SLFN5: variants seen among roughly 807,000 people sequenced by gnomAD.
The protein encoded by SLFN5 is schlafen family member 5.
In SLFN5, 34 loss-of-function variants were observed where a neutral mutation model predicts 48.5. That is an observed-to-expected ratio of 0.70 (90% confidence interval 0.53 to 0.93). The LOEUF (loss-of-function observed/expected upper bound fraction) is 0.93. Ranked by LOEUF, SLFN5 falls within the 40% of genes least tolerant of loss-of-function variation. The probability of loss-of-function intolerance (pLI) is 0.00; values close to 1 mark genes in which losing one functional copy is unlikely to be tolerated. For synonymous variants in SLFN5, 387 were observed against 396.2 expected (o/e 0.98, Z 0.28); for missense variants, 1,006 against 1,071.3 (o/e 0.94, Z 0.85).
chr17:35,263,161 C>CA (rs1904570581), intron 3 of SLFN5, among the ~76,000 whole-genome samples: 1 of 152,024 alleles, frequency 6.6e-6, no homozygotes, highest in African/African-American at 2.4e-5. Context: ...GACAGGATCT[C>CA]ACTCTGTTGT....
rs909785784 is a variant in SLFN5 at position 35,271,393 on chromosome 17, C to T, written c.*5505C>T. 1 of 152,040 alleles carries T rather than the reference C, an allele frequency of 6.6e-6. No individual in the cohort carries two copies. Among genetic ancestry groups the T allele is most frequent in the Non-Finnish European group, 1.5e-5 (1 of 67,986 alleles). The allele number at this position is 152,040 out of a possible 1,614,324, so 9.4% of individuals were successfully genotyped here. ...AAGGAGAACAAATAAATTAGTGAAACATAAGGTTAAGTCTATACATATTAT... is the reference window on the plus strand; with the variant it reads ...AAGGAGAACAAATAAATTAGTGAAATATAAGGTTAAGTCTATACATATTAT... On this transcript the variant is annotated 3_prime_UTR_variant, in exon 5 of 5. Coordinates refer to ENST00000299977, the MANE Select transcript of SLFN5 (RefSeq NM_144975.4).
Position 35,258,724 on chromosome 17 carries a change from C to A in SLFN5, c.34C>A (p.Pro12Thr), listed in dbSNP as rs1408093620. ...TAGGATTGATGTGGATACAAACTTT[C>A]CTGAGTGTGTTGTAGATGCAGGAAA... ...SLRIDVDTNF[P>T]ECVVDAGKVT... The change falls in exon 2 of 5, where the codon CCT becomes ACT. Residue 12 changes from proline to threonine, a missense_variant. Transcript: ENST00000299977. The A allele has an allele frequency of 6.2e-7, 1 of 1,613,842 alleles. No individual in the cohort carries two copies.
At position 35,265,734 on chromosome 17, in the gene SLFN5, T is replaced by C; in HGVS notation, c.2522T>C (p.Val841Ala). ...TCGGATGTTCTAACCGATCACATTG[T>C]GTTGGACAGTGTCTGTCGATTTTCA... Reference protein sequence around the residue: ...DASDVLTDHIVLDSVCRFSGL... With the variant: ...DASDVLTDHIALDSVCRFSGL... The change falls in exon 5 of 5, where the codon GTG (valine) becomes GCG (alanine). Residue 841 changes from valine (V) to alanine (A), a missense_variant. Val to Ala is a moderately conservative substitution (Grantham distance 64). Transcript: ENST00000299977. 1 of 1,614,204 alleles carries C rather than the reference T, an allele frequency of 6.2e-7. No homozygotes were observed. Among genetic ancestry groups the C allele is most frequent in the African/African-American group, 1.3e-5 (1 of 75,050 alleles).
rs1904863046 is a variant in SLFN5, at chr17:35,272,747, GA to G, written c.*6861del. The G allele has an allele frequency of 6.6e-6, 1 of 152,172 alleles. No individual in the cohort carries two copies. The highest frequency in any genetic ancestry group is 1.5e-5 in the Non-Finnish European group (1 of 68,002). The allele number at this position is 152,172 out of a possible 1,614,324, so 9.4% of individuals were successfully genotyped here. The stretch of plus-strand genomic sequence containing the variant: ...TGACAGGTGGTAGAATACAGAAAAA[GA>G]ATTTAAAATAGCTCCTAAAGATATG... On this transcript the variant is annotated 3_prime_UTR_variant, in exon 5 of 5. Coordinates refer to ENST00000299977, the MANE Select transcript of SLFN5 (RefSeq NM_144975.4).
At chr17:35,251,140 C>A (rs116853733) in intron 1 of SLFN5, among the ~76,000 whole-genome samples, 1 of 152,224 alleles carries the variant, frequency 6.6e-6, no homozygotes, top group Non-Finnish European at 1.5e-5. Flanking sequence ...AGCACCCCAA[C>A]TGTAGAAAGC....
At chr17:35,262,072 G>T (rs140322976) in intron 3 of SLFN5, among the ~76,000 whole-genome samples, 2 of 151,906 alleles carry the variant, frequency 1.3e-5, no homozygotes, top group East Asian at 3.9e-4. Context: ...TACCTGAGGT[G>T]TTCTTTAAGG....
chr17:35,264,195 G>C lies in SLFN5; in HGVS notation c.1151G>C (p.Arg384Thr), dbSNP rs1232973719. ...QKRYFPVFSD[R>T]VVYTPESLYK... ...TTTCCCTGTCTAGTATTTTCAGACA[G>C]AGTGGTATATACTCCAGAAAGCCTC... Residue 384 changes from arginine (R) to threonine (T), a missense_variant, in exon 4 of 5, where the codon AGA (arginine) becomes ACA (threonine). Coordinates refer to ENST00000299977, the MANE Select transcript of SLFN5 (RefSeq NM_144975.4). 3.8e-6 allele frequency: 6 copies of C among 1,596,150 alleles called. No individual in the cohort carries two copies. The South Asian group carries it at 4.5e-5, about 12-fold the overall frequency.
chr17:35,267,469 A>T lies in SLFN5; in HGVS notation c.*1581A>T, dbSNP rs1413335616. ...GACTTTAGGAGGCCAAGGTGGGAGG[A>T]TTGTTTGAGCCCAGGAGTTCAAGAC... is the stretch of plus-strand genomic sequence containing the variant. On this transcript the variant is annotated 3_prime_UTR_variant, in exon 5 of 5. Transcript: ENST00000299977. The T allele has an allele frequency of 6.6e-6, 1 of 152,154 alleles. No homozygotes were observed. Among genetic ancestry groups the T allele is most frequent in the East Asian group, 1.9e-4 (1 of 5,198 alleles). The allele number at this position is 152,154 out of a possible 1,614,324, so 9.4% of individuals were successfully genotyped here.
In SLFN5 at chr17:35,266,195, CAT is replaced by C. The variant is rs1235339112; in HGVS notation, c.*308_*309del. The C allele has an allele frequency of 2.7e-5, 6 of 224,268 alleles. No individual in the cohort carries two copies. The highest frequency in any genetic ancestry group is 4.6e-5 in the African/African-American group (2 of 43,118). The allele number at this position is 224,268 out of a possible 1,614,324, so 13.9% of individuals were successfully genotyped here. A position where few individuals can be genotyped will look rare whatever the true frequency, so the allele number is the denominator to read the frequency against. ...GTGTGTGTGCGCGCGCGCACGTGCA[CAT>C]GTGTGTAGGTAGATGGAGGGGGTGA... On this transcript the variant is annotated 3_prime_UTR_variant, in exon 5 of 5. Coordinates refer to ENST00000299977, the MANE Select transcript of SLFN5 (RefSeq NM_144975.4).
At chr17:35,252,121 G>A (rs1342257374) in intron 1 of SLFN5, among the ~76,000 whole-genome samples, 1 of 152,058 alleles carries the variant, frequency 6.6e-6, no homozygotes, top group Non-Finnish European at 1.5e-5. Flanking sequence ...ATCCACATCC[G>A]TGGGAAAACT....
At chr17:35,258,305 G>A (rs1408982183) in intron 1 of SLFN5, among the ~76,000 whole-genome samples, 3 of 152,076 alleles carry the variant, frequency 2.0e-5, no homozygotes, top group South Asian at 2.1e-4. Flanking sequence ...CACGGTGGAC[G>A]GTGAAAGGCA....
At chr17:35,262,911 C>G (rs1313410964) in intron 3 of SLFN5, among the ~76,000 whole-genome samples, 3 of 152,130 alleles carry the variant, frequency 2.0e-5, no homozygotes, top group African/African-American at 7.2e-5. Flanking sequence ...AAACTCTCCC[C>G]AAATCCCTAA....
At chr17:35,244,401 G>A (rs1004485671) in intron 1 of SLFN5, among the ~76,000 whole-genome samples, 4 of 152,010 alleles carry the variant, frequency 2.6e-5, no homozygotes, top group African/African-American at 9.7e-5. Context: ...TACCAATAGC[G>A]GGTGGGAGGG....
At chr17:35,243,304 G>A (rs927828714) in intron 1 of SLFN5, among the ~76,000 whole-genome samples, 161 bp downstream of exon 1, 2 of 152,232 alleles carry the variant, frequency 1.3e-5, no homozygotes, top group Non-Finnish European at 2.9e-5. Context: ...GGGAGATTTA[G>A]TTTGTTGACT....
In SLFN5 at chr17:35,268,581, G is replaced by A. The variant is rs1227884055; in HGVS notation, c.*2693G>A. 1.3e-5 allele frequency: 2 copies of A among 152,304 alleles called. No individual in the cohort carries two copies. The highest frequency in any genetic ancestry group is 2.1e-4 in the South Asian group (1 of 4,830). The allele number at this position is 152,304 out of a possible 1,614,324, so 9.4% of individuals were successfully genotyped here. On this transcript the variant is annotated 3_prime_UTR_variant, in exon 5 of 5. Coordinates refer to ENST00000299977, the MANE Select transcript of SLFN5 (RefSeq NM_144975.4). Reference sequence around the variant, plus strand: ...AAAATACAAAAATTAGCTGGGTGTGGTGGTGCATGCCTGTAATACCAGCTA... The same window carrying A: ...AAAATACAAAAATTAGCTGGGTGTGATGGTGCATGCCTGTAATACCAGCTA...
rs563737164 is a variant in SLFN5 at position 35,253,957 on chromosome 17, C to T, written c.-40-4694C>T. 2.6e-5 allele frequency among the ~76,000 whole-genome samples: 4 copies of T among 152,198 alleles called. No homozygotes were observed. The East Asian group carries it at 7.7e-4, about 29-fold the overall frequency. ...AGGTGATCCGCCCACCTTGTCTTCC[C>T]AAAGTGCTGGGATTACAAGCATGAG... On this transcript the variant is annotated intron_variant, in intron 1 of 4. Coordinates refer to ENST00000299977, the MANE Select transcript of SLFN5 (RefSeq NM_144975.4).
intron 1 of SLFN5, among the ~76,000 whole-genome samples, chr17:35,244,944 A>G (rs1396801658): frequency 1.3e-5 from 2 of 152,026 alleles, no homozygotes; most frequent in Non-Finnish European, 2.9e-5. Flanking sequence ...TATTATTTCC[A>G]TGTAAGAGGA....
In SLFN5 at chr17:35,258,671, A is replaced by G. The variant is rs1323440287; in HGVS notation, c.-20A>G. On this transcript the variant is annotated 5_prime_UTR_variant, in exon 2 of 5. Coordinates refer to ENST00000299977, the MANE Select transcript of SLFN5 (RefSeq NM_144975.4). ...TTCAGGAGAACATTTCAGGATAGGA[A>G]TAGGCCAAGTGCTGAGAAGATGAGT... 6.2e-7 allele frequency: 1 copy of G among 1,601,580 alleles called. No homozygotes were observed. Among genetic ancestry groups the G allele is most frequent in the African/African-American group, 1.3e-5 (1 of 74,680 alleles).
chr17:35,272,905 A>G lies in SLFN5; in HGVS notation c.*7017A>G, dbSNP rs1164144016. 6.6e-6 allele frequency: 1 copy of G among 152,210 alleles called. No individual in the cohort carries two copies. The highest frequency in any genetic ancestry group is 1.5e-5 in the Non-Finnish European group (1 of 68,028). 9.4% of individuals were successfully genotyped at this position (152,210 alleles called of 1,614,324 possible). ...CTTCTACTGAGAACAATCCGGCAGTAGTTAACAAAATTGTGAATGCATATA... is the reference window on the plus strand; with the variant it reads ...CTTCTACTGAGAACAATCCGGCAGTGGTTAACAAAATTGTGAATGCATATA... On this transcript the variant is annotated 3_prime_UTR_variant, in exon 5 of 5. Coordinates refer to ENST00000299977, the MANE Select transcript of SLFN5 (RefSeq NM_144975.4).
Sources: allele counts gnomAD v4.1 joint callset (sites outside exome capture counted in the v4.1 genomes callset), GRCh38; gene constraint gnomAD v4.1.1; transcripts MANE v1.5; gene names NCBI Gene and HGNC (gene_info 2026-07-23, HGNC 2026-07-21).